Variants in MBD5 observed in about 807,000 individuals in gnomAD.
MBD5 encodes methyl-CpG binding domain protein 5.
In MBD5, 13 loss-of-function variants were observed where a neutral mutation model predicts 117.3. The ratio of observed to expected loss-of-function variants is 0.11; its 90% CI spans 0.07 to 0.18. The LOEUF (loss-of-function observed/expected upper bound fraction) is 0.18, where lower values mean the gene tolerates loss of function less well. Ranked by LOEUF, MBD5 falls within the 10% of genes least tolerant of loss-of-function variation. MBD5 has a pLI of 1.00. For missense variants in MBD5, 1,879 were observed against 2,093.8 expected, an observed-to-expected ratio of 0.90 and a Z score of 2.00; for synonymous variants, 727 against 766.4, an observed-to-expected ratio of 0.95 and a Z score of 0.85.
chr2:148,069,661 CTTAA>C (rs141510869), intron 1 of MBD5, among the ~76,000 whole-genome samples: 110 of 151,818 alleles, frequency 7.2e-4, no homozygotes, highest in Non-Finnish European at 1.2e-3. Flanking sequence ...TTTTTAATGT[CTTAA>C]TTAATTAATT....
rs1693724507 is a variant in MBD5, at chr2:148,021,486, G to A, written c.-1123G>A. The A allele has an allele frequency of 1.7e-6, 1 of 577,160 alleles. No homozygotes were observed. The highest frequency in any genetic ancestry group is 1.5e-5 in the South Asian group (1 of 65,888). 35.8% of individuals were successfully genotyped at this position (577,160 alleles called of 1,614,324 possible). A position where few individuals can be genotyped will look rare whatever the true frequency, so the allele number is the denominator to read the frequency against. On this transcript the variant is annotated 5_prime_UTR_variant, in exon 1 of 14. Coordinates refer to ENST00000642680, the MANE Select transcript of MBD5 (RefSeq NM_001378120.1). Reference sequence around the variant, plus strand: ...TGTTGCTGCTGCTGCTGCTGTTGCTGCTGCTGCTGCTACTGCTGCTGCTGC... The same window carrying A: ...TGTTGCTGCTGCTGCTGCTGTTGCTACTGCTGCTGCTACTGCTGCTGCTGC...
chr2:148,399,762 C>T (rs962418895), intron 4 of MBD5, among the ~76,000 whole-genome samples: 30 of 152,134 alleles, frequency 2.0e-4, no homozygotes, highest in East Asian at 1.2e-3. Flanking sequence ...CCAGTTTTTG[C>T]CCATTCAGTA....
chr2:148,082,057 T>C (rs1695660811), intron 1 of MBD5, among the ~76,000 whole-genome samples: 1 of 152,214 alleles, frequency 6.6e-6, no homozygotes, highest in South Asian at 2.1e-4. Context: ...TTTTGGTTGC[T>C]GTTTTCTTCC....
At position 148,470,326 on chromosome 2, in the gene MBD5, A is replaced by T; in HGVS notation, c.2383A>T (p.Met795Leu). The change falls in exon 8 of 14, where the codon ATG becomes TTG. Residue 795 changes from methionine (M) to leucine (L), a missense_variant. Around this residue, in one of 4 missense-constraint regions of MBD5, gnomAD observed 1,666 missense variants for 1,792.2 expected, o/e 0.93. Transcript: ENST00000642680. ...GATTCAGGCTAGCGGGAACTGTGGGATGCTCAGTCAGTCGGGCATGGCTTT... is the reference window on the plus strand; with the variant it reads ...GATTCAGGCTAGCGGGAACTGTGGGTTGCTCAGTCAGTCGGGCATGGCTTT... ...NQIQASGNCG[M>L]LSQSGMALGN... The T allele has an allele frequency of 6.2e-7, 1 of 1,613,948 alleles. No homozygotes were observed. The highest frequency in any genetic ancestry group is 8.5e-7 in the Non-Finnish European group (1 of 1,179,906).
At chr2:148,312,369 A>G (rs1702053527) in intron 3 of MBD5, among the ~76,000 whole-genome samples, 1 of 151,764 alleles carries the variant, frequency 6.6e-6, no homozygotes, top group Non-Finnish European at 1.5e-5. Context: ...TTTTTCTCCA[A>G]TCTTGTTTTC....
At chr2:148,053,215 A>C (rs1310532803) in intron 1 of MBD5, among the ~76,000 whole-genome samples, 1 of 152,060 alleles carries the variant, frequency 6.6e-6, no homozygotes, top group Non-Finnish European at 1.5e-5. Flanking sequence ...AGGTGCACAT[A>C]TGTTGATAAC....
intron 2 of MBD5, among the ~76,000 whole-genome samples, chr2:148,209,792 G>C (rs1218137527): frequency 6.6e-6 from 1 of 151,992 alleles, no homozygotes; most frequent in East Asian, 1.9e-4. Flanking sequence ...CAAGGGGCGG[G>C]GGGAGGTGCT....
At chr2:148,447,174 AGAAG>A (rs1391122247) in intron 4 of MBD5, among the ~76,000 whole-genome samples, 210 of 125,162 alleles carry the variant, frequency 1.7e-3, no homozygotes, top group African/African-American at 6.3e-3. Context: ...GAAGAAAGGA[AGAAG>A]GAAAGAAAGA....
chr2:148,176,035 G>C (rs559550674), intron 1 of MBD5, among the ~76,000 whole-genome samples: 1 of 152,186 alleles, frequency 6.6e-6, no homozygotes, highest in East Asian at 1.9e-4. Context: ...TTGTGATGTA[G>C]ACTATTTGTG....
At chr2:148,165,052 C>T (rs1017034337) in intron 1 of MBD5, among the ~76,000 whole-genome samples, 3 of 152,092 alleles carry the variant, frequency 2.0e-5, no homozygotes, top group Admixed American at 6.5e-5. Context: ...TAACTTTCCT[C>T]TTGTTACATA....
chr2:148,428,256 G>A (rs1209780960), intron 4 of MBD5, among the ~76,000 whole-genome samples: 1 of 152,082 alleles, frequency 6.6e-6, no homozygotes, highest in African/African-American at 2.4e-5. Flanking sequence ...TTGCTTCAAA[G>A]AGAATAAAAT....
intron 2 of MBD5, among the ~76,000 whole-genome samples, chr2:148,218,260 A>G (rs1457926639): frequency 6.6e-6 from 1 of 152,118 alleles, no homozygotes; most frequent in Non-Finnish European, 1.5e-5. Context: ...GGGTAAGTCT[A>G]GGTTCATATC....
At chr2:148,415,896 G>A (rs1705402174) in intron 4 of MBD5, among the ~76,000 whole-genome samples, 1 of 152,062 alleles carries the variant, frequency 6.6e-6, no homozygotes. Context: ...TCCTTGGATT[G>A]CATTTCAACT....
chr2:148,109,290 G>T (rs575158725), intron 1 of MBD5, among the ~76,000 whole-genome samples: 2 of 151,442 alleles, frequency 1.3e-5, no homozygotes, highest in Admixed American at 6.6e-5. Flanking sequence ...GTCTCAAAGA[G>T]AAAAAAAATT....
At chr2:148,319,414 G>T (rs138631729) in intron 3 of MBD5, among the ~76,000 whole-genome samples, 88 of 152,160 alleles carry the variant, frequency 5.8e-4, no homozygotes, top group Non-Finnish European at 9.1e-4. Flanking sequence ...ATTTGTTTGT[G>T]TCATCAAAGA....
chr2:148,031,632 AAAAG>A (rs1383383902), intron 1 of MBD5, among the ~76,000 whole-genome samples: 6 of 152,136 alleles, frequency 3.9e-5, no homozygotes, highest in African/African-American at 1.4e-4. Context: ...TGTAGTTTCG[AAAAG>A]AAAGAAGTAG....
At chr2:148,283,009 C>T (rs966594381) in intron 3 of MBD5, among the ~76,000 whole-genome samples, 1 of 151,036 alleles carries the variant, frequency 6.6e-6, no homozygotes, top group Non-Finnish European at 1.5e-5. Flanking sequence ...ATCATTTGGG[C>T]TCAAAATCAG....
intron 1 of MBD5, among the ~76,000 whole-genome samples, chr2:148,137,242 C>A (rs534320876): frequency 2.6e-5 from 4 of 152,266 alleles, no homozygotes; most frequent in African/African-American, 9.6e-5. Flanking sequence ...TAGGCTTAGT[C>A]TTCCTGAAAC....
chr2:148,099,773 G>A (rs529536607), intron 1 of MBD5, among the ~76,000 whole-genome samples: 1 of 152,272 alleles, frequency 6.6e-6, no homozygotes, highest in East Asian at 1.9e-4. Context: ...TCTTTGTTCA[G>A]TTCTAACCTA....
Sources: gnomAD v4.1 joint callset for allele counts (sites outside exome capture counted in the v4.1 genomes callset) on GRCh38, gnomAD v4.1.1 for gene constraint, gnomAD v4.1.1 regional missense constraint, MANE v1.5 for transcripts, NCBI Gene and HGNC (gene_info 2026-07-23, HGNC 2026-07-21) for gene names.